The following NSA2 variants were observed in gnomAD, a reference collection of about 807,000 sequenced individuals.
NSA2 encodes the protein ribosome biogenesis protein NSA2 homolog.
Under a neutral mutation model 34.8 loss-of-function variants are expected in NSA2, and 18 were observed. That is an observed-to-expected ratio of 0.52 (90% CI 0.36 to 0.77). NSA2 has a LOEUF of 0.77. NSA2 is among the 30% of genes least tolerant of loss of function. The pLI is 0.00. For synonymous variants in NSA2, 79 were observed against 100.2 expected, an observed-to-expected ratio of 0.79 and a Z score of 1.26; for missense variants, 188 against 314.7, an observed-to-expected ratio of 0.60 and a Z score of 3.05.
intron 3 of NSA2, chr5:74,769,672 T>TA (rs540623867): frequency 4.1e-4 from 80 of 195,924 alleles, no homozygotes; most frequent in African/African-American, 1.7e-3. Flanking sequence ...TAAAGAAAAA[T>TA]ACAAATGCTT....
intron 4 of NSA2, 86 bp from the exon 5 acceptor site, chr5:74,773,782 T>C (rs1346257047): frequency 5.8e-6 from 6 of 1,040,238 alleles, no homozygotes; most frequent in Non-Finnish European, 8.3e-6. Context: ...TTGGAGATGG[T>C]TGAAAAAGAT....
rs1391895100 is a variant in NSA2, at chr5:74,777,537, A to T, written c.*866A>T. The T allele has an allele frequency of 6.6e-6, 1 of 152,092 alleles. No homozygotes were observed. The highest frequency in any genetic ancestry group is 2.4e-5 in the African/African-American group (1 of 41,442). 9.4% of individuals were successfully genotyped at this position (152,092 alleles called of 1,614,324 possible). A position where few individuals can be genotyped will look rare whatever the true frequency, so the allele number is the denominator to read the frequency against. On this transcript the variant is annotated 3_prime_UTR_variant, in exon 6 of 6. Transcript: ENST00000610426. ...TGATCTGTTATATGTTGTGGTTTTA[A>T]GGATGGCGTATATTACATTAATCTA...
At position 74,769,349 on chromosome 5, in the gene NSA2, A is replaced by G. The variant is rs748806232; in HGVS notation, c.327A>G (p.Lys109=). ...TACTTTCCAATATGATTAAACAGAAAAGAAAAGAGAAGGCGGTAAGCAATA... is the reference window on the plus strand; with the variant it reads ...TACTTTCCAATATGATTAAACAGAAGAGAAAAGAGAAGGCGGTAAGCAATA... The part of the protein sequence containing the change: ...AKVLSNMIKQ[K]RKEKAGKWEV... The change falls in exon 3 of 6, where the codon AAA becomes AAG. Residue 109 remains lysine, a synonymous_variant. Transcript: ENST00000610426. 1 of 1,604,244 alleles carries G rather than the reference A, an allele frequency of 6.2e-7. No homozygotes were observed. The highest frequency in any genetic ancestry group is 1.3e-5 in the African/African-American group (1 of 74,366).
chr5:74,775,325 C>T (rs1054176151), intron 5 of NSA2, among the ~76,000 whole-genome samples: 8 of 152,084 alleles, frequency 5.3e-5, no homozygotes, highest in African/African-American at 1.7e-4. Context: ...TTTAAAAAGC[C>T]CCCTCGCTAT....
rs761908335 is a variant in NSA2, at chr5:74,767,345, C to T, written c.-16C>T. On this transcript the variant is annotated 5_prime_UTR_variant, in exon 1 of 6. Coordinates refer to ENST00000610426, the MANE Select transcript of NSA2 (RefSeq NM_014886.6). ...GCACTCCAGCGGCTGCTCCTGGCGG[C>T]TCTGCGGCCGTCACCATGGTAAGGA... 1.9e-6 allele frequency: 3 copies of T among 1,613,346 alleles called. No individual in the cohort carries two copies. In the South Asian group the frequency reaches 3.3e-5, roughly 18 times the overall value.
rs1250343685 is a variant in NSA2, at chr5:74,769,462, A to G, written c.342+98A>G. On this transcript the variant is annotated intron_variant, in intron 3 of 5. Transcript: ENST00000610426. Reference sequence around the variant, plus strand: ...CTCGGTTTAATTTCAAACATGAAGTACAGCTATTATTCCCATTATTTAGAT... The same window carrying G: ...CTCGGTTTAATTTCAAACATGAAGTGCAGCTATTATTCCCATTATTTAGAT... The G allele has an allele frequency of 3.0e-5, 30 of 988,036 alleles. No homozygotes were observed. In the East Asian group the frequency reaches 7.5e-4, roughly 25 times the overall value. The allele number at this position is 988,036 out of a possible 1,614,324, so 61.2% of individuals were successfully genotyped here.
At chr5:74,768,039 C>T (rs979619126) in intron 1 of NSA2, among the ~76,000 whole-genome samples, 2 of 152,202 alleles carry the variant, frequency 1.3e-5, no homozygotes, top group African/African-American at 2.4e-5. Context: ...TAGACTCACG[C>T]CTGGCCGCGT....
chr5:74,770,905 T>TGTGG (rs1437728974), intron 4 of NSA2, 95 bp downstream of exon 4: 26 of 978,482 alleles, frequency 2.7e-5, no homozygotes, highest in Non-Finnish European at 3.7e-5. Flanking sequence ...TTTAAATTGA[T>TGTGG]GTGGAACAGG....
At position 74,779,025 on chromosome 5, in the gene NSA2, CT is replaced by C. The variant is rs1424786382; in HGVS notation, c.*2358del. On this transcript the variant is annotated 3_prime_UTR_variant, in exon 6 of 6. Coordinates refer to ENST00000610426, the MANE Select transcript of NSA2 (RefSeq NM_014886.6). Reference sequence around the variant, plus strand: ...AGTTAGGTTTTTCCAAGTGATCTAACTTTTCCCTCTATAATCTATAAACCCC... The same window carrying C: ...AGTTAGGTTTTTCCAAGTGATCTAACTTTCCCTCTATAATCTATAAACCCC... The C allele has an allele frequency of 6.6e-6, 1 of 152,102 alleles. No homozygotes were observed. The highest frequency in any genetic ancestry group is 1.5e-5 in the Non-Finnish European group (1 of 67,930). 9.4% of individuals were successfully genotyped at this position (152,102 alleles called of 1,614,324 possible). A position where few individuals can be genotyped will look rare whatever the true frequency, so the allele number is the denominator to read the frequency against.
At chr5:74,768,481 G>A (rs1447997303) in intron 1 of NSA2, among the ~76,000 whole-genome samples, 2 of 152,292 alleles carry the variant, frequency 1.3e-5, no homozygotes, top group Non-Finnish European at 1.5e-5. Flanking sequence ...GGGGGAAATG[G>A]AAATTCTTTG....
intron 5 of NSA2, among the ~76,000 whole-genome samples, chr5:74,774,944 C>T (rs755095918): frequency 1.3e-4 from 20 of 151,956 alleles, no homozygotes; most frequent in South Asian, 8.3e-4. Context: ...CTGCCAGGAG[C>T]GGTGGCTCAG....
In NSA2 at chr5:74,769,118, C is replaced by T. The variant is rs776379556; in HGVS notation, c.191C>T (p.Thr64Ile). The T allele has an allele frequency of 6.2e-6, 10 of 1,601,572 alleles. No individual in the cohort carries two copies. The highest frequency in any genetic ancestry group is 1.8e-5 in the Admixed American group (1 of 56,714). Residue 64 changes from threonine (T) to isoleucine (I), a missense_variant and splice_region_variant, in exon 2 of 6, where the codon ACT (threonine) becomes ATT (isoleucine). By Grantham distance (89) the Thr-to-Ile change is moderately conservative. Transcript: ENST00000610426. ...GCTGAGAAAATACAAATGAAAAAGA[C>T]GTAAGTGGTCTCATTTATTTGTCAT... ...RHAEKIQMKK[T>I]IKMHEKRNTK...
At chr5:74,769,146 C>G (rs1278327570) in intron 2 of NSA2, 28 bp downstream of exon 2, 2 of 1,595,052 alleles carry the variant, frequency 1.3e-6, no homozygotes, top group Non-Finnish European at 1.7e-6. Context: ...TTTGTCATAA[C>G]AAGTTAACAT....
chr5:74,767,838 C>T lies in NSA2; in HGVS notation c.3+475C>T, dbSNP rs868182303. Among the ~76,000 whole-genome samples the T allele has an allele frequency of 2.0e-5, 3 of 152,302 alleles. 1 individual carries two copies. In the Middle Eastern group the frequency reaches 0.01, roughly 518 times the overall value. The stretch of plus-strand genomic sequence containing the variant: ...CCCAGATCTAACTGCCAGGTCCTTT[C>T]TCTTTGTGTTACGTCTCTATAATCT... On this transcript the variant is annotated intron_variant, in intron 1 of 5. Coordinates refer to ENST00000610426, the MANE Select transcript of NSA2 (RefSeq NM_014886.6).
chr5:74,774,120 C>T, intron 5 of NSA2, 60 bp downstream of exon 5: 1 of 1,133,266 alleles, frequency 8.8e-7, no homozygotes, highest in Non-Finnish European at 1.3e-6. Flanking sequence ...AAATACTATT[C>T]AAGTTGATGT....
chr5:74,770,589 C>T, intron 3 of NSA2, 42 bp from the exon 4 acceptor site: 1 of 1,403,412 alleles, frequency 7.1e-7, no homozygotes, highest in Non-Finnish European at 9.7e-7. Flanking sequence ...TCTCATTGTC[C>T]TTTAATAACA....
intron 3 of NSA2, among the ~76,000 whole-genome samples, chr5:74,769,793 G>A (rs577975161): frequency 3.3e-5 from 5 of 152,120 alleles, no homozygotes; most frequent in African/African-American, 4.8e-5. Flanking sequence ...AAATAGATTA[G>A]CAGAAATCCA....
chr5:74,767,840 C>T (rs76839819), intron 1 of NSA2, among the ~76,000 whole-genome samples: 425 of 152,284 alleles, frequency 2.8e-3, no homozygotes, highest in Non-Finnish European at 5.4e-3. Flanking sequence ...GGTCCTTTCT[C>T]TTTGTGTTAC....
intron 1 of NSA2, 80 bp downstream of exon 1, chr5:74,767,443 G>C: frequency 6.4e-7 from 1 of 1,560,268 alleles, no homozygotes. Flanking sequence ...GCTGGGGTAG[G>C]GGGTGAGCGG....
Sources: allele counts gnomAD v4.1 joint callset (sites outside exome capture counted in the v4.1 genomes callset), GRCh38; gene constraint gnomAD v4.1.1; transcripts MANE v1.5; gene names NCBI Gene and HGNC (gene_info 2026-07-23, HGNC 2026-07-21).